Variants in SKOR2 observed in about 807,000 individuals in gnomAD.
SKOR2 encodes the protein SKI family transcriptional corepressor 2.
A neutral mutation model predicts 69.1 loss-of-function variants in SKOR2; 47 were observed. That is an observed-to-expected ratio of 0.68 (90% CI 0.54 to 0.87). SKOR2 has a LOEUF of 0.87. SKOR2 is among the 40% of genes least tolerant of loss of function. The pLI, the probability that SKOR2 is intolerant of heterozygous loss-of-function variation, is 0.00. For missense variants in SKOR2, 1,404 were observed against 1,472.2 expected, an observed-to-expected ratio of 0.95 and a Z score of 0.76; for synonymous variants, 717 against 672.6, an observed-to-expected ratio of 1.07 and a Z score of -1.02.
At chr18:47,225,730 A>T (rs913565757) in intron 6 of SKOR2, among the ~76,000 whole-genome samples, 1 of 152,140 alleles carries the variant, frequency 6.6e-6, no homozygotes. Flanking sequence ...CCAGATAAGA[A>T]GGAGGACTTG....
Position 47,247,303 on chromosome 18 carries a change from C to T in SKOR2, c.1881G>A (p.Val627=). 6.7e-7 allele frequency: 1 copy of T among 1,483,056 alleles called. No individual in the cohort carries two copies. Among genetic ancestry groups the T allele is most frequent in the South Asian group, 1.3e-5 (1 of 79,804 alleles). 91.9% of individuals were successfully genotyped at this position (1,483,056 alleles called of 1,614,324 possible). The change falls in exon 2 of 9, where the codon GTG becomes GTA. Residue 627 remains valine, a synonymous_variant. Coordinates refer to ENST00000425639, the MANE Select transcript of SKOR2 (RefSeq NM_001278063.4). This position sits in a 1 kb window ranked among gnomAD's most constrained non-coding sequence, Gnocchi z 6.6. The stretch of plus-strand genomic sequence containing the variant: ...GGCTCTCCGCGTCGTCCTTGCCGCC[C>T]ACTGGCCGGAAGGCGCTGGAATGGT... ...SYHHSSAFRP[V]GGKDDAESLA...
intron 6 of SKOR2, among the ~76,000 whole-genome samples, chr18:47,229,436 C>T (rs1002815703): frequency 1.3e-5 from 2 of 152,058 alleles, no homozygotes; most frequent in East Asian, 3.9e-4. Flanking sequence ...GGCGGATCAC[C>T]TGAGGTCAGG....
chr18:47,218,977 T>C (rs947981059), intron 7 of SKOR2, among the ~76,000 whole-genome samples: 1 of 152,216 alleles, frequency 6.6e-6, no homozygotes, highest in African/African-American at 2.4e-5. Flanking sequence ...AACACTGGCA[T>C]GATTTCTCCA....
intron 4 of SKOR2, among the ~76,000 whole-genome samples, chr18:47,240,917 T>C (rs931981800): frequency 3.3e-5 from 5 of 152,256 alleles, no homozygotes; most frequent in African/African-American, 9.6e-5. Context: ...TTTCGTTCTT[T>C]TTTTGTTATA....
Position 47,249,158 on chromosome 18 carries a change from G to A in SKOR2, c.26C>T (p.Pro9Leu). The change falls in exon 2 of 9, where the codon CCC becomes CTC. Residue 9 changes from proline to leucine, a missense_variant. This residue lies in a region of SKOR2 where 104 missense variants were observed against 95.7 expected (regional missense o/e 1.09). Coordinates refer to ENST00000425639, the MANE Select transcript of SKOR2 (RefSeq NM_001278063.4). MASSPLPG[P>L]NDILLASPSS... ...CGGCGACGCCAGCAGGATGTCGTTG[G>A]GCCCTGGCAGCGGACTGGAAGCCAT... The A allele has an allele frequency of 2.6e-6, 4 of 1,535,358 alleles. No individual in the cohort carries two copies. The highest frequency in any genetic ancestry group is 3.5e-6 in the Non-Finnish European group (4 of 1,146,442).
chr18:47,235,353 C>T (rs2064217876), intron 4 of SKOR2, among the ~76,000 whole-genome samples: 1 of 152,080 alleles, frequency 6.6e-6, no homozygotes, highest in Admixed American at 6.6e-5. Flanking sequence ...GAGTGAGACC[C>T]TGACTTAAAT....
chr18:47,212,275 C>T (rs2064130203), intron 7 of SKOR2, 124 bp from the exon 8 acceptor site: 1 of 839,318 alleles, frequency 1.2e-6, no homozygotes, highest in African/African-American at 1.8e-5. Flanking sequence ...AAAAAGAGGT[C>T]TCCATCTGCT....
intron 8 of SKOR2, among the ~76,000 whole-genome samples, chr18:47,207,244 G>A (rs72911203): frequency 0.012 from 1,832 of 152,250 alleles, 21 homozygotes; most frequent in Non-Finnish European, 0.019. Context: ...TTCTTGTTCT[G>A]TGGTGTCAGG....
At chr18:47,207,261 T>C (rs1206298095) in intron 8 of SKOR2, among the ~76,000 whole-genome samples, 1 of 152,162 alleles carries the variant, frequency 6.6e-6, no homozygotes, top group East Asian at 1.9e-4. Flanking sequence ...CAGGGCAACA[T>C]AGAAGTATGA....
At chr18:47,244,259 C>A (rs1383810469) in intron 4 of SKOR2, among the ~76,000 whole-genome samples, 7 of 152,180 alleles carry the variant, frequency 4.6e-5, no homozygotes, top group Non-Finnish European at 1.0e-4. Context: ...CTCAGGATAA[C>A]AACCTCGTTT....
Position 47,246,852 on chromosome 18 carries a change from C to G in SKOR2, c.2332G>C (p.Gly778Arg). ...CGGCCGCCCCCGACTAAGGGGTCGC[C>G]GAGTAGGACCTCCGTCTCCTCGTCC... ...EEDEETEVLLGDPLVGGGRFL... is the reference protein window; with the variant it reads ...EEDEETEVLLRDPLVGGGRFL... Residue 778 changes from glycine to arginine, a missense_variant, in exon 2 of 9, where the codon GGC becomes CGC. Gly to Arg is a moderately radical substitution (Grantham distance 125, BLOSUM62 -2). This residue lies in a region of SKOR2 where 1,266 missense variants were observed against 1,309.9 expected (regional missense o/e 0.97). Coordinates refer to ENST00000425639, the MANE Select transcript of SKOR2 (RefSeq NM_001278063.4). 4 of 1,485,130 alleles carry G rather than the reference C, an allele frequency of 2.7e-6. No individual in the cohort carries two copies. The highest frequency in any genetic ancestry group is 2.7e-6 in the Non-Finnish European group (3 of 1,123,506). 92.0% of individuals were successfully genotyped at this position (1,485,130 alleles called of 1,614,324 possible).
intron 4 of SKOR2, among the ~76,000 whole-genome samples, chr18:47,242,680 G>A (rs2064254268): frequency 6.6e-6 from 1 of 151,866 alleles, no homozygotes; most frequent in Non-Finnish European, 1.5e-5. Context: ...CGAAATTCAG[G>A]GTTGGGGTAA....
intron 6 of SKOR2, among the ~76,000 whole-genome samples, chr18:47,223,673 T>C (rs1600030153): frequency 6.6e-6 from 1 of 152,290 alleles, no homozygotes; most frequent in East Asian, 1.9e-4. Context: ...ATGTTGTGTA[T>C]TACATTTCAT....
At chr18:47,237,558 G>A (rs1006896262) in intron 4 of SKOR2, among the ~76,000 whole-genome samples, 7 of 152,132 alleles carry the variant, frequency 4.6e-5, no homozygotes, top group African/African-American at 1.7e-4. Flanking sequence ...ATTGTGTCCT[G>A]TACACATGTA....
Position 47,249,914 on chromosome 18 carries a change from G to A in SKOR2, c.-47-684C>T, listed in dbSNP as rs565963299. Among the ~76,000 whole-genome samples, 4 of 152,300 alleles carry A rather than the reference G, an allele frequency of 2.6e-5. No individual in the cohort carries two copies. In the East Asian group the frequency reaches 7.7e-4, roughly 29 times the overall value. On this transcript the variant is annotated intron_variant, in intron 1 of 8. Transcript: ENST00000425639. ...CGTTGCACCAAAATAGAATGTTTCA[G>A]TTTTTAAAAAACCTACTTGCTGAAC...
rs1187569851 is a variant in SKOR2, at chr18:47,230,350, C to CT, written c.2917+108dup. On this transcript the variant is annotated intron_variant, in intron 6 of 8. Coordinates refer to ENST00000425639, the MANE Select transcript of SKOR2 (RefSeq NM_001278063.4). ...AATATTTAGGCAGACCATGGGAAGA[C>CT]TGTGTGTGTTTTGCACAATCGCTTA... 7.9e-6 allele frequency: 5 copies of CT among 631,640 alleles called. No homozygotes were observed. In the African/African-American group the frequency reaches 9.5e-5, roughly 12 times the overall value. The allele number at this position is 631,640 out of a possible 1,614,324, so 39.1% of individuals were successfully genotyped here. A position where few individuals can be genotyped will look rare whatever the true frequency, so the allele number is the denominator to read the frequency against.
rs1431615298 is a variant in SKOR2 at position 47,249,154 on chromosome 18, G to A, written c.30C>T (p.Asn10=). 7.2e-6 allele frequency: 11 copies of A among 1,535,506 alleles called. No homozygotes were observed. Among genetic ancestry groups the A allele is most frequent in the Non-Finnish European group, 9.6e-6 (11 of 1,146,546 alleles). ...TCGACGGCGACGCCAGCAGGATGTCGTTGGGCCCTGGCAGCGGACTGGAAG... is the reference window on the plus strand; with the variant it reads ...TCGACGGCGACGCCAGCAGGATGTCATTGGGCCCTGGCAGCGGACTGGAAG... MASSPLPGP[N]DILLASPSSA... The change falls in exon 2 of 9, where the codon AAC becomes AAT. Residue 10 remains asparagine, a synonymous_variant. Transcript: ENST00000425639.
Position 47,247,360 on chromosome 18 carries a change from C to A in SKOR2, c.1824G>T (p.Leu608=). ...RVPAPHHPHL[L]EGRKAGGGSY... is the part of the protein sequence containing the mutation. ...TGCCACCGCCCGCTTTGCGCCCCTC[C>A]AGAAGGTGCGGATGGTGGGGCGCCG... Residue 608 remains leucine, a synonymous_variant, in exon 2 of 9, where the codon CTG becomes CTT. Coordinates refer to ENST00000425639, the MANE Select transcript of SKOR2 (RefSeq NM_001278063.4). The surrounding 1 kb of genome is among the most constrained non-coding windows in gnomAD (Gnocchi z 6.6). 1 of 1,460,654 alleles carries A rather than the reference C, an allele frequency of 6.8e-7. No individual in the cohort carries two copies. The allele number at this position is 1,460,654 out of a possible 1,614,324, so 90.5% of individuals were successfully genotyped here.
At chr18:47,235,283 G>A (rs937945800) in intron 4 of SKOR2, among the ~76,000 whole-genome samples, 1 of 152,060 alleles carries the variant, frequency 6.6e-6, no homozygotes, top group African/African-American at 2.4e-5. Flanking sequence ...AGCCCTGGAG[G>A]TCAAGGCTGA....
Sources: gnomAD v4.1 joint callset for allele counts (sites outside exome capture counted in the v4.1 genomes callset) on GRCh38, gnomAD v4.1.1 for gene constraint, gnomAD v4.1.1 regional missense constraint, Gnocchi (gnomAD v3.1) non-coding constraint, MANE v1.5 for transcripts, NCBI Gene and HGNC (gene_info 2026-07-23, HGNC 2026-07-21) for gene names.